NRG4: variants seen among roughly 807,000 people sequenced by gnomAD.
NRG4 encodes the protein neuregulin 4, also known as pro-neuregulin-4, membrane-bound isoform.
NRG4 carries 10 observed loss-of-function variants against 15.0 expected under a neutral mutation model. The ratio of observed to expected loss-of-function variants is 0.67; its 90% CI spans 0.41 to 1.13. The LOEUF is 1.13. NRG4 is among the 50% of genes most tolerant of loss of function. The pLI, the probability that NRG4 is intolerant of heterozygous loss-of-function variation, is 0.00. For synonymous variants in NRG4, 41 were observed against 50.1 expected (o/e 0.82, Z 0.77); for missense variants, 139 against 140.2 (o/e 0.99, Z 0.04).
At chr15:75,971,912 T>C (rs1285850089) in intron 3 of NRG4, among the ~76,000 whole-genome samples, 1 of 152,230 alleles carries the variant, frequency 6.6e-6, no homozygotes, top group Admixed American at 6.5e-5. Context: ...TCAAATGGCA[T>C]TTCTAGTTCT....
chr15:76,007,090 A>C (rs1051597971), intron 3 of NRG4, among the ~76,000 whole-genome samples: 31 of 152,210 alleles, frequency 2.0e-4, no homozygotes, highest in African/African-American at 7.2e-4. Flanking sequence ...AATTTTTAGG[A>C]TAAAACAGAA....
At chr15:75,964,438 T>C (rs2032689872) in intron 3 of NRG4, among the ~76,000 whole-genome samples, 1 of 152,240 alleles carries the variant, frequency 6.6e-6, no homozygotes, top group Non-Finnish European at 1.5e-5. Context: ...ATTCCTGTCA[T>C]ACTTTTAAAA....
intron 3 of NRG4, among the ~76,000 whole-genome samples, chr15:75,969,574 C>T (rs1417306385): frequency 6.6e-6 from 1 of 152,260 alleles, no homozygotes; most frequent in African/African-American, 2.4e-5. Flanking sequence ...GTAAGACAAA[C>T]TCAGGTAAAG....
At chr15:75,947,403 C>T (rs2031594761) in intron 5 of NRG4, among the ~76,000 whole-genome samples, 1 of 152,214 alleles carries the variant, frequency 6.6e-6, no homozygotes, top group African/African-American at 2.4e-5. Flanking sequence ...TCTTTGCTGT[C>T]TCATCCTTAT....
At chr15:76,040,384 G>T (rs1214984024) in intron 4 of NRG4, among the ~76,000 whole-genome samples, 1 of 152,056 alleles carries the variant, frequency 6.6e-6, no homozygotes, top group Non-Finnish European at 1.5e-5. Context: ...AAAAGCTAAG[G>T]GATTTCATCA....
chr15:75,972,321 C>T (rs1038129758), intron 3 of NRG4, among the ~76,000 whole-genome samples: 1 of 152,050 alleles, frequency 6.6e-6, no homozygotes, highest in African/African-American at 2.4e-5. Flanking sequence ...CTGTAGGTTG[C>T]CTGTTCACTC....
At chr15:75,992,884 A>G (rs1168794204) in intron 3 of NRG4, among the ~76,000 whole-genome samples, 2 of 151,412 alleles carry the variant, frequency 1.3e-5, no homozygotes, top group Non-Finnish European at 2.9e-5. Flanking sequence ...TATATACTAC[A>G]TTTTATTTAT....
chr15:75,987,320 T>A (rs2033832412), intron 3 of NRG4, among the ~76,000 whole-genome samples: 1 of 152,214 alleles, frequency 6.6e-6, no homozygotes, highest in Admixed American at 6.5e-5. Context: ...ACAATTTTTG[T>A]CAAGGAAAAT....
At chr15:76,045,276 A>G (rs2035842621) in intron 4 of NRG4, among the ~76,000 whole-genome samples, 1 of 151,190 alleles carries the variant, frequency 6.6e-6, no homozygotes, top group Non-Finnish European at 1.5e-5. Context: ...TTTTATCCAA[A>G]AGACAGACAT....
At chr15:75,959,209 AACTCCTGGTCTCAAGT>A (rs2032394996) in intron 4 of NRG4, 1 of 286,106 alleles carries the variant, frequency 3.5e-6, no homozygotes, top group African/African-American at 2.2e-5. Flanking sequence ...GCTGGTCTTA[AACTCCTGGTCTCAAGT>A]AGTCCTCCCA....
intron 2 of NRG4, among the ~76,000 whole-genome samples, chr15:76,054,535 C>T (rs2036105718): frequency 6.6e-6 from 1 of 152,216 alleles, no homozygotes; most frequent in African/African-American, 2.4e-5. Flanking sequence ...TGGCCTCAGC[C>T]TCCTAAGTAG....
chr15:75,946,149 T>C (rs1389006002), intron 5 of NRG4, among the ~76,000 whole-genome samples: 1 of 152,098 alleles, frequency 6.6e-6, no homozygotes, highest in Non-Finnish European at 1.5e-5. Context: ...ACATCCTGAG[T>C]AGGTCAGCGG....
At chr15:76,003,242 T>C (rs539083680) in intron 3 of NRG4, among the ~76,000 whole-genome samples, 2 of 152,262 alleles carry the variant, frequency 1.3e-5, no homozygotes, top group African/African-American at 4.8e-5. Context: ...TTTCAAAGGA[T>C]ATTAGTAAAC....
intron 5 of NRG4, among the ~76,000 whole-genome samples, chr15:75,953,159 T>C (rs1242383227): frequency 6.6e-6 from 1 of 152,242 alleles, no homozygotes; most frequent in Non-Finnish European, 1.5e-5. Context: ...TTAGCTCTTA[T>C]ATTTAGATCT....
At chr15:75,947,796 C>A in intron 5 of NRG4, among the ~76,000 whole-genome samples, 1 of 152,194 alleles carries the variant, frequency 6.6e-6, no homozygotes, top group South Asian at 2.1e-4. Context: ...CGTGTTCTCA[C>A]CAACACATGG....
At chr15:76,034,279 A>G (rs1218906441) in intron 5 of NRG4, among the ~76,000 whole-genome samples, 6 of 152,220 alleles carry the variant, frequency 3.9e-5, no homozygotes, top group African/African-American at 1.4e-4. Flanking sequence ...TCCCATTCAG[A>G]AAAGGGAATA....
chr15:76,036,609 AG>A (rs373311521), intron 4 of NRG4, among the ~76,000 whole-genome samples: 152 of 152,334 alleles, frequency 1.0e-3, no homozygotes, highest in African/African-American at 3.5e-3. Context: ...TCTATACATG[AG>A]GGCGGAGTTA....
At position 76,044,227 on chromosome 15, in the gene NRG4, C is replaced by A. The variant is rs368238835; in HGVS notation, c.-105+7840G>T. Among the ~76,000 whole-genome samples the A allele has an allele frequency of 6.0e-5, 9 of 150,352 alleles. 1 individual carries two copies. The highest frequency in any genetic ancestry group is 2.0e-4 in the African/African-American group (8 of 40,288). ...CCTTGTTAGCCAGGATGGTCTCGAT[C>A]TCCTGACCTCATGATCCACCCGCCT... On this transcript the variant is annotated intron_variant, in intron 4 of 8. Transcript: ENST00000563910.
chr15:76,005,788 GTCATTT>G (rs1420336745), intron 3 of NRG4: 1 of 438,446 alleles, frequency 2.3e-6, no homozygotes, highest in African/African-American at 2.0e-5. Flanking sequence ...CTTCATTGTT[GTCATTT>G]TCATTTTCGT....
Sources: gnomAD v4.1 joint callset for allele counts (sites outside exome capture counted in the v4.1 genomes callset) on GRCh38, gnomAD v4.1.1 for gene constraint, MANE v1.5 for transcripts, NCBI Gene and HGNC (gene_info 2026-07-23, HGNC 2026-07-21) for gene names.